FREM1: variants seen among roughly 807,000 people sequenced by gnomAD.
The protein encoded by FREM1 is FRAS1 related extracellular matrix 1.
FREM1 carries 220 observed loss-of-function variants against 210.1 expected under a neutral mutation model. The observed-to-expected ratio is 1.05, with a 90% CI of 0.94 to 1.17. The LOEUF (loss-of-function observed/expected upper bound fraction) is 1.17. Ranked by LOEUF, FREM1 falls within the 50% of genes most tolerant of loss-of-function variation. FREM1 has a pLI of 0.00. For missense variants in FREM1, 3,454 were observed against 2,675.5 expected (o/e 1.29, Z -6.42); for synonymous variants, 1,189 against 980.2 (o/e 1.21, Z -3.98).
At position 14,737,214 on chromosome 9, in the gene FREM1, G is replaced by C; in HGVS notation, c.*182C>G. ...AGATACAAAAATTGTATCTTATCTT[G>C]TAAAAAATATTTATTTATCAATCTT... On this transcript the variant is annotated 3_prime_UTR_variant, in exon 37 of 37. Transcript: ENST00000380880. 1 of 527,748 alleles carries C rather than the reference G, an allele frequency of 1.9e-6. No homozygotes were observed. The highest frequency in any genetic ancestry group is 3.0e-5 in the East Asian group (1 of 33,128). The allele number at this position is 527,748 out of a possible 1,614,324, so 32.7% of individuals were successfully genotyped here.
At chr9:14,760,882 T>C (rs72605694) in intron 27 of FREM1, among the ~76,000 whole-genome samples, 17,193 of 136,074 alleles carry the variant, frequency 0.13, 1,279 homozygotes, top group East Asian at 0.35. Context: ...GTAACCTTAC[T>C]ATAGAGCAGG....
At chr9:14,870,694 T>A (rs1832492081) in intron 1 of FREM1, among the ~76,000 whole-genome samples, 4 of 152,034 alleles carry the variant, frequency 2.6e-5, no homozygotes, top group Admixed American at 2.6e-4. Flanking sequence ...AGGGTACATG[T>A]GCACAATGTG....
At chr9:14,762,712 C>G (rs1478358893) in intron 27 of FREM1, among the ~76,000 whole-genome samples, 1 of 150,042 alleles carries the variant, frequency 6.7e-6, no homozygotes. Flanking sequence ...TAGCAAAGGA[C>G]CTGCATACCC....
chr9:14,747,186 T>C, intron 33 of FREM1, 78 bp downstream of exon 33: 2 of 1,576,080 alleles, frequency 1.3e-6, no homozygotes, highest in Non-Finnish European at 1.7e-6. Context: ...TTGGAGGCTA[T>C]TTTGTGAATT....
At chr9:14,809,576 G>C (rs919474434) in intron 16 of FREM1, among the ~76,000 whole-genome samples, 5 of 152,142 alleles carry the variant, frequency 3.3e-5, no homozygotes, top group Non-Finnish European at 7.4e-5. Context: ...GAATTAGAAA[G>C]AAACAATCAG....
chr9:14,819,720 A>T (rs1016201353), intron 13 of FREM1, among the ~76,000 whole-genome samples: 1 of 152,238 alleles, frequency 6.6e-6, no homozygotes, highest in Non-Finnish European at 1.5e-5. Context: ...GTATAGTAGA[A>T]TTGGCAATCA....
chr9:14,826,747 G>T (rs915915309), intron 10 of FREM1, among the ~76,000 whole-genome samples: 2 of 152,162 alleles, frequency 1.3e-5, no homozygotes, highest in Non-Finnish European at 2.9e-5. Context: ...GAATGAACTT[G>T]TGCCTTATAA....
intron 1 of FREM1, among the ~76,000 whole-genome samples, chr9:14,908,059 T>A (rs927910164): frequency 5.3e-5 from 8 of 152,028 alleles, no homozygotes; most frequent in African/African-American, 1.9e-4. Context: ...ACCTAAATGT[T>A]TGGAATGAGG....
intron 13 of FREM1, among the ~76,000 whole-genome samples, chr9:14,819,774 C>T (rs1450731671): frequency 2.6e-5 from 4 of 152,122 alleles, no homozygotes; most frequent in African/African-American, 9.7e-5. Flanking sequence ...AATTTTCATC[C>T]TCAGGTCCAT....
chr9:14,746,894 G>C (rs1428329039), intron 34 of FREM1, 29 bp downstream of exon 34: 1 of 1,607,194 alleles, frequency 6.2e-7, no homozygotes, highest in Non-Finnish European at 8.5e-7. Flanking sequence ...TGCGAATAAA[G>C]GTGCTTGGCT....
chr9:14,862,313 C>T (rs1830734707), intron 3 of FREM1, among the ~76,000 whole-genome samples: 1 of 152,110 alleles, frequency 6.6e-6, no homozygotes, highest in South Asian at 2.1e-4. Flanking sequence ...ATGTCTTGTA[C>T]AAAAGTCTTT....
chr9:14,768,044 G>A (rs1846765111), intron 27 of FREM1, among the ~76,000 whole-genome samples: 1 of 152,098 alleles, frequency 6.6e-6, no homozygotes, highest in African/African-American at 2.4e-5. Context: ...ATGAATTTGA[G>A]AGTATATTTA....
In FREM1 at chr9:14,823,222, C is replaced by G. The variant is rs759747384; in HGVS notation, c.2275G>C (p.Gly759Arg). ...FTFSVSNQHG[G>R]TLHGICFNIT... The stretch of plus-strand genomic sequence containing the variant: ...TTAAAGCAGATCCCATGCAAAGTAC[C>G]GCCATGTTGGTTACTGACAGAAAAT... Residue 759 changes from glycine (G) to arginine (R), a missense_variant, in exon 13 of 37, where the codon GGT (glycine) becomes CGT (arginine). Transcript: ENST00000380880. The G allele has an allele frequency of 6.2e-7, 1 of 1,613,878 alleles. No individual in the cohort carries two copies. Among genetic ancestry groups the G allele is most frequent in the Admixed American group, 1.7e-5 (1 of 60,016 alleles).
At position 14,859,467 on chromosome 9, in the gene FREM1, G is replaced by T; in HGVS notation, c.347C>A (p.Thr116Asn). The stretch of plus-strand genomic sequence containing the variant: ...CCACAGGATAAAAGTTTCTATGAAG[G>T]TATCTCTTTCAGTAAATCTGTGGAG... ...LRLYRFTERD[T>N]FIETFILWVY... The change falls in exon 4 of 37, where the codon ACC becomes AAC. Residue 116 changes from threonine to asparagine, a missense_variant. Thr to Asn is a moderately conservative substitution (Grantham distance 65, BLOSUM62 0). Transcript: ENST00000380880. 1.2e-6 allele frequency: 2 copies of T among 1,612,700 alleles called. No homozygotes were observed. Among genetic ancestry groups the T allele is most frequent in the Non-Finnish European group, 1.7e-6 (2 of 1,179,150 alleles).
chr9:14,881,009 C>T (rs1418498203), intron 1 of FREM1, among the ~76,000 whole-genome samples: 1 of 152,188 alleles, frequency 6.6e-6, no homozygotes, highest in African/African-American at 2.4e-5. Context: ...AAGAATGCAG[C>T]AAAATACAAA....
chr9:14,848,854 C>G (rs1827157606), intron 6 of FREM1, 81 bp from the exon 7 acceptor site: 1 of 758,398 alleles, frequency 1.3e-6, no homozygotes, highest in African/African-American at 1.7e-5. Context: ...TATACCCACA[C>G]ACAGTGGATT....
rs763160894 is a variant in FREM1 at position 14,770,682 on chromosome 9, G to C, written c.4982C>G (p.Pro1661Arg). ...GATGATCTGATCGTCCTCAGTGTCA[G>C]GGTCTGATGCCTTCAACACGCGGGA... Reference protein sequence around the residue: ...ITSRVLKASDPDTEDDQIIFK... With the variant: ...ITSRVLKASDRDTEDDQIIFK... Residue 1661 changes from proline (P) to arginine (R), a missense_variant, in exon 26 of 37, where the codon CCT becomes CGT. By Grantham distance (103) the Pro-to-Arg change is moderately radical (BLOSUM62 -2). Transcript: ENST00000380880. 9.3e-6 allele frequency: 15 copies of C among 1,613,532 alleles called. 1 individual carries two copies. Among genetic ancestry groups the C allele is most frequent in the Non-Finnish European group, 5.9e-6 (7 of 1,179,530 alleles).
intron 17 of FREM1, among the ~76,000 whole-genome samples, chr9:14,807,078 C>A (rs1230982802): frequency 2.0e-5 from 3 of 152,116 alleles, no homozygotes; most frequent in African/African-American, 7.2e-5. Context: ...CTTGTCCAGG[C>A]AAGTCAGAAG....
intron 7 of FREM1, 42 bp downstream of exon 7, chr9:14,848,623 C>A (rs1827108570): frequency 4.3e-6 from 5 of 1,156,794 alleles, no homozygotes; most frequent in Non-Finnish European, 6.4e-6. Flanking sequence ...TCTTGTATTC[C>A]CTTCAGGGCT....
Sources: gnomAD v4.1 joint callset for allele counts (sites outside exome capture counted in the v4.1 genomes callset) on GRCh38, gnomAD v4.1.1 for gene constraint, MANE v1.5 for transcripts, NCBI Gene and HGNC (gene_info 2026-07-23, HGNC 2026-07-21) for gene names.